The following PGM5 variants were observed in gnomAD, a reference collection of about 807,000 sequenced individuals.
PGM5 encodes the protein phosphoglucomutase-like protein 5.
In PGM5, 23 loss-of-function variants were observed where a neutral mutation model predicts 59.2. That is an observed-to-expected ratio of 0.39 (90% CI 0.28 to 0.55). The LOEUF (loss-of-function observed/expected upper bound fraction) is 0.55, where lower values mean the gene tolerates loss of function less well. PGM5 is among the 20% of genes least tolerant of loss of function. PGM5 has a pLI of 0.66. For synonymous variants in PGM5, 214 were observed against 286.0 expected, an observed-to-expected ratio of 0.75 and a Z score of 2.54; for missense variants, 574 against 748.3, an observed-to-expected ratio of 0.77 and a Z score of 2.72.
intron 1 of PGM5, among the ~76,000 whole-genome samples, chr9:68,365,568 T>G (rs1167240426): frequency 2.0e-5 from 3 of 152,232 alleles, no homozygotes; most frequent in Non-Finnish European, 4.4e-5. Context: ...ATGTCCGTAG[T>G]TGTATGAAAA....
At chr9:68,461,793 C>T (rs1265788885) in intron 6 of PGM5, among the ~76,000 whole-genome samples, 1 of 151,368 alleles carries the variant, frequency 6.6e-6, no homozygotes, top group African/African-American at 2.4e-5. Flanking sequence ...TATAAGAGCA[C>T]AAAATGGAAT....
chr9:68,466,049 C>A, intron 7 of PGM5: 1 of 839,716 alleles, frequency 1.2e-6, no homozygotes, highest in Non-Finnish European at 1.7e-6. Flanking sequence ...TTCTTTGTCT[C>A]TTGTCCTTCT....
chr9:68,384,014 T>G (rs2492236), intron 2 of PGM5, among the ~76,000 whole-genome samples: 26 of 149,436 alleles, frequency 1.7e-4, no homozygotes, highest in Middle Eastern at 3.4e-3. Context: ...AAGCTGCATG[T>G]AAATCTGGAA....
intron 6 of PGM5, among the ~76,000 whole-genome samples, chr9:68,404,720 G>A (rs564073384): frequency 6.6e-6 from 1 of 152,134 alleles, no homozygotes; most frequent in Non-Finnish European, 1.5e-5. Context: ...GGCATTGGTG[G>A]TTTATATTCT....
At chr9:68,522,597 T>G (rs1378200160) in intron 10 of PGM5, among the ~76,000 whole-genome samples, 3 of 152,222 alleles carry the variant, frequency 2.0e-5, no homozygotes, top group Non-Finnish European at 4.4e-5. Flanking sequence ...TGATGGTACC[T>G]CCAAACAATC....
chr9:68,376,521 GTGTT>G (rs1554677677), intron 1 of PGM5, among the ~76,000 whole-genome samples: 2 of 141,830 alleles, frequency 1.4e-5, no homozygotes, highest in East Asian at 2.1e-4. Flanking sequence ...GTGTGTGTGT[GTGTT>G]TTGATCTCTT....
chr9:68,525,511 T>G (rs1199253064), intron 10 of PGM5, among the ~76,000 whole-genome samples: 1 of 152,194 alleles, frequency 6.6e-6, no homozygotes, highest in Non-Finnish European at 1.5e-5. Flanking sequence ...ATATTGATGT[T>G]GCGAATCAAC....
chr9:68,516,194 A>G (rs1204527935), intron 10 of PGM5, among the ~76,000 whole-genome samples: 1 of 152,330 alleles, frequency 6.6e-6, no homozygotes, highest in East Asian at 1.9e-4. Context: ...TGTGCCATCA[A>G]AAAATATGGG....
intron 1 of PGM5, among the ~76,000 whole-genome samples, chr9:68,361,905 A>C (rs1834586853): frequency 6.6e-6 from 1 of 151,970 alleles, no homozygotes; most frequent in Non-Finnish European, 1.5e-5. Context: ...AGATGATCGC[A>C]AGGTTAGGGC....
At chr9:68,522,137 C>G (rs986174136) in intron 10 of PGM5, among the ~76,000 whole-genome samples, 4 of 152,142 alleles carry the variant, frequency 2.6e-5, no homozygotes, top group African/African-American at 9.7e-5. Flanking sequence ...CACCTGTAAT[C>G]CCAGCTACTC....
In PGM5 at chr9:68,517,072, C is replaced by T. The variant is rs1387464858; in HGVS notation, c.1615-12495C>T. ...CTTTTTTTTTTTTTTTAAATAGAGA[C>T]GGGGTTTCTCCATATTGGTCAGACT... On this transcript the variant is annotated intron_variant, in intron 10 of 10. Transcript: ENST00000396396. Among the ~76,000 whole-genome samples, 5 of 149,294 alleles carry T rather than the reference C, an allele frequency of 3.3e-5. No individual in the cohort carries two copies. The South Asian group carries it at 6.4e-4, about 19-fold the overall frequency.
intron 6 of PGM5, among the ~76,000 whole-genome samples, chr9:68,413,925 T>A (rs1483377281): frequency 3.9e-5 from 6 of 152,200 alleles, no homozygotes; most frequent in African/African-American, 1.2e-4. Flanking sequence ...CCAAACCTCA[T>A]GTTGAAATAT....
At chr9:68,403,746 C>A (rs1421874416) in intron 6 of PGM5, among the ~76,000 whole-genome samples, 1 of 151,846 alleles carries the variant, frequency 6.6e-6, no homozygotes, top group Non-Finnish European at 1.5e-5. Flanking sequence ...GATTATACTC[C>A]GAGTGAAAGT....
chr9:68,463,308 C>T (rs146305721), intron 6 of PGM5, among the ~76,000 whole-genome samples: 6 of 152,132 alleles, frequency 3.9e-5, no homozygotes, highest in East Asian at 1.9e-4. Context: ...TCCCACTCTA[C>T]GGTCATCCCC....
intron 6 of PGM5, among the ~76,000 whole-genome samples, chr9:68,411,468 ATG>A (rs35318797): frequency 0.056 from 8,081 of 144,408 alleles, 622 homozygotes; most frequent in East Asian, 0.41. Context: ...TAAATATATA[ATG>A]TGTGTGTGTG....
chr9:68,378,847 G>A (rs1312709405), intron 2 of PGM5, among the ~76,000 whole-genome samples: 3 of 151,504 alleles, frequency 2.0e-5, no homozygotes, highest in African/African-American at 7.3e-5. Context: ...TATATTCACA[G>A]CAATCTATAG....
intron 6 of PGM5, among the ~76,000 whole-genome samples, chr9:68,452,853 C>G (rs1311071471): frequency 6.6e-6 from 1 of 152,178 alleles, no homozygotes; most frequent in African/African-American, 2.4e-5. Flanking sequence ...CATCACCTTC[C>G]AACATCTCCT....
chr9:68,406,678 G>A (rs375876), intron 6 of PGM5, among the ~76,000 whole-genome samples: 18,297 of 23,144 alleles, frequency 0.79, 7,560 homozygotes, highest in Middle Eastern at 1. Context: ...ATATATATAT[G>A]TATATATATA....
At chr9:68,484,120 G>A (rs1824248329) in intron 9 of PGM5, 72 bp downstream of exon 9, 1 of 1,316,880 alleles carries the variant, frequency 7.6e-7, no homozygotes, top group South Asian at 1.2e-5. Flanking sequence ...GAACTGGAGA[G>A]GTCCTTAGGG....
Sources: allele counts gnomAD v4.1 joint callset (sites outside exome capture counted in the v4.1 genomes callset), GRCh38; gene constraint gnomAD v4.1.1; transcripts MANE v1.5; gene names NCBI Gene and HGNC (gene_info 2026-07-23, HGNC 2026-07-21).